KCNMB2: variants seen among roughly 807,000 people sequenced by gnomAD.
The protein encoded by KCNMB2 is calcium-activated potassium channel subunit beta-2.
Under a neutral mutation model 24.5 loss-of-function variants are expected in KCNMB2, and 9 were observed. That is an observed-to-expected ratio of 0.37 (90% confidence interval 0.22 to 0.64). The LOEUF (loss-of-function observed/expected upper bound fraction) is 0.64. Ranked by LOEUF, KCNMB2 falls within the 30% of genes least tolerant of loss-of-function variation. KCNMB2 has a pLI of 0.63. For missense variants in KCNMB2, 226 were observed against 284.3 expected (o/e 0.79, Z 1.47); for synonymous variants, 109 against 104.4 (o/e 1.04, Z -0.27).
At chr3:178,816,869 C>T (rs28490096) in intron 2 of KCNMB2, among the ~76,000 whole-genome samples, 1 of 151,886 alleles carries the variant, frequency 6.6e-6, no homozygotes, top group African/African-American at 2.4e-5. Flanking sequence ...CAAAGTCTCC[C>T]TAGGTTATAA....
At chr3:178,682,268 T>C (rs1350550779) in intron 1 of KCNMB2, among the ~76,000 whole-genome samples, 1 of 152,202 alleles carries the variant, frequency 6.6e-6, no homozygotes. Context: ...AAGGTTGTTG[T>C]GGAGATAAAG....
chr3:178,557,491 A>T (rs1228616300), intron 1 of KCNMB2, among the ~76,000 whole-genome samples: 1 of 152,222 alleles, frequency 6.6e-6, no homozygotes, highest in Non-Finnish European at 1.5e-5. Flanking sequence ...CCATTAAAGA[A>T]ATTTAAAGCA....
chr3:178,710,692 T>C (rs1351542623), intron 1 of KCNMB2, among the ~76,000 whole-genome samples: 2 of 152,176 alleles, frequency 1.3e-5, no homozygotes, highest in African/African-American at 4.8e-5. Flanking sequence ...AAAGCCATTA[T>C]GCAGATGAAA....
intron 1 of KCNMB2, among the ~76,000 whole-genome samples, chr3:178,770,468 T>G (rs532692238): frequency 6.4e-4 from 97 of 152,332 alleles, no homozygotes; most frequent in African/African-American, 2.3e-3. Flanking sequence ...CCAAGTGCGG[T>G]ATTGTATGAA....
rs181168935 is a variant in KCNMB2, at chr3:178,763,743, C to T, written c.-67-43600C>T. 4.6e-5 allele frequency among the ~76,000 whole-genome samples: 7 copies of T among 152,226 alleles called. No individual in the cohort carries two copies. In the East Asian group the frequency reaches 1.2e-3, roughly 25 times the overall value. ...TTTCTTGTGAGAGAATCAAACGAAA[C>T]ACACCACTGTGTAGTGGTAGAACAA... On this transcript the variant is annotated intron_variant, in intron 1 of 4. Coordinates refer to ENST00000452583, the MANE Select transcript of KCNMB2 (RefSeq NM_181361.3).
chr3:178,647,506 C>T (rs1188677824), intron 1 of KCNMB2, among the ~76,000 whole-genome samples: 2 of 152,190 alleles, frequency 1.3e-5, no homozygotes, highest in African/African-American at 4.8e-5. Flanking sequence ...CCTAAGTCCA[C>T]CACTTATAAG....
intron 1 of KCNMB2, among the ~76,000 whole-genome samples, chr3:178,799,349 C>T (rs1270079984): frequency 6.6e-6 from 1 of 151,984 alleles, no homozygotes; most frequent in Admixed American, 6.6e-5. Context: ...ATCCAAAAAT[C>T]AACACACAAA....
intron 1 of KCNMB2, among the ~76,000 whole-genome samples, chr3:178,543,639 T>C (rs1248905607): frequency 1.3e-5 from 2 of 152,234 alleles, no homozygotes; most frequent in African/African-American, 4.8e-5. Context: ...TTTTCTTTGG[T>C]CAATTCTGAG....
rs1560010346 is a variant in KCNMB2, at chr3:178,760,308, ATC to A, written c.-67-47033_-67-47032del. 1.9e-5 allele frequency among the ~76,000 whole-genome samples: 2 copies of A among 105,518 alleles called. 1 individual carries two copies. The highest frequency in any genetic ancestry group is 3.9e-5 in the Non-Finnish European group (2 of 51,150). The allele number at this position is 105,518 out of a possible 152,430, so 69.2% of individuals were successfully genotyped here. A position where few individuals can be genotyped will look rare whatever the true frequency, so the allele number is the denominator to read the frequency against. ...TATATAGATATATCCAAGAGGATAT[ATC>A]TATATATAGATATATATAGATATAT... On this transcript the variant is annotated intron_variant, in intron 1 of 4. Transcript: ENST00000452583.
chr3:178,788,365 A>T (rs1431168972), intron 1 of KCNMB2, among the ~76,000 whole-genome samples: 1 of 152,228 alleles, frequency 6.6e-6, no homozygotes, highest in Non-Finnish European at 1.5e-5. Flanking sequence ...AATTAAGACC[A>T]TGTAAAAATG....
chr3:178,780,053 TAA>T (rs11406849), intron 1 of KCNMB2, among the ~76,000 whole-genome samples: 2,179 of 133,982 alleles, frequency 0.016, 51 homozygotes, highest in African/African-American at 0.053. Context: ...TTGTTTTTTT[TAA>T]AAAAAAAAAA....
At chr3:178,614,762 A>G (rs970138748) in intron 1 of KCNMB2, among the ~76,000 whole-genome samples, 3 of 152,158 alleles carry the variant, frequency 2.0e-5, no homozygotes, top group African/African-American at 2.4e-5. Context: ...TTTCTCCACC[A>G]TTGGTCCCTG....
intron 1 of KCNMB2, among the ~76,000 whole-genome samples, chr3:178,584,685 T>C (rs1265417817): frequency 1.3e-5 from 2 of 148,520 alleles, no homozygotes; most frequent in Non-Finnish European, 3.0e-5. Context: ...TCTTAATAAA[T>C]AATAAAATGG....
At chr3:178,664,451 C>T (rs1720646119) in intron 1 of KCNMB2, among the ~76,000 whole-genome samples, 2 of 152,046 alleles carry the variant, frequency 1.3e-5, no homozygotes, top group Admixed American at 1.3e-4. Context: ...TGGGCATGCA[C>T]TCCTCTTTGC....
At chr3:178,549,272 C>CGG (rs759832706) in intron 1 of KCNMB2, among the ~76,000 whole-genome samples, 3 of 150,602 alleles carry the variant, frequency 2.0e-5, no homozygotes, top group Non-Finnish European at 3.0e-5. Context: ...CAATCTGCCT[C>CGG]GGGGCTTACC....
Position 178,664,891 on chromosome 3 carries a change from A to T in KCNMB2, c.-68+128180A>T, listed in dbSNP as rs138424730. Reference sequence around the variant, plus strand: ...TGTGAAGATAATTTTTCTTGTCACAAAGGACGATCTATACAAAAGAACAAA... The same window carrying T: ...TGTGAAGATAATTTTTCTTGTCACATAGGACGATCTATACAAAAGAACAAA... On this transcript the variant is annotated intron_variant, in intron 1 of 4. Transcript: ENST00000452583. 3.3e-3 allele frequency among the ~76,000 whole-genome samples: 505 copies of T among 152,246 alleles called. 2 individuals carry two copies. The highest frequency in any genetic ancestry group is 0.012 in the African/African-American group (478 of 41,554).
At chr3:178,688,896 T>C (rs1417392602) in intron 1 of KCNMB2, among the ~76,000 whole-genome samples, 1 of 152,218 alleles carries the variant, frequency 6.6e-6, no homozygotes, top group Non-Finnish European at 1.5e-5. Context: ...ACCAGCTTTG[T>C]TATCAGTATT....
chr3:178,624,848 G>A (rs1719054113), intron 1 of KCNMB2, among the ~76,000 whole-genome samples: 1 of 152,028 alleles, frequency 6.6e-6, no homozygotes, highest in African/African-American at 2.4e-5. Context: ...GGGAAGGGGA[G>A]TTGGCAGGGG....
intron 1 of KCNMB2, among the ~76,000 whole-genome samples, chr3:178,542,271 T>C (rs964833600): frequency 2.0e-5 from 3 of 152,220 alleles, no homozygotes; most frequent in African/African-American, 7.2e-5. Flanking sequence ...TAAACCTTAC[T>C]GAGCCTCAGT....
Sources: gnomAD v4.1 joint callset for allele counts (sites outside exome capture counted in the v4.1 genomes callset) on GRCh38, gnomAD v4.1.1 for gene constraint, MANE v1.5 for transcripts, NCBI Gene and HGNC (gene_info 2026-07-23, HGNC 2026-07-21) for gene names.